The following PCDHGB6 variants were observed in gnomAD, a reference collection of about 807,000 sequenced individuals.
PCDHGB6 encodes protocadherin gamma subfamily B, 6.
In PCDHGB6, 51 loss-of-function variants were observed where a neutral mutation model predicts 59.1. The observed-to-expected ratio is 0.86, with a 90% CI of 0.69 to 1.09. PCDHGB6 has a LOEUF of 1.09. PCDHGB6 is among the 50% of genes least tolerant of loss of function. The probability of loss-of-function intolerance (pLI) is 0.00; values close to 1 mark genes in which losing one functional copy is unlikely to be tolerated. For missense variants in PCDHGB6, 1,148 were observed against 1,205.1 expected, an observed-to-expected ratio of 0.95 and a Z score of 0.70; for synonymous variants, 466 against 495.1, an observed-to-expected ratio of 0.94 and a Z score of 0.78.
chr5:141,427,881 C>T (rs774499492), intron 1 of PCDHGB6: 6 of 1,563,720 alleles, frequency 3.8e-6, no homozygotes, highest in South Asian at 3.3e-5. Context: ...GATGCAGGCC[C>T]ACGACCAGGG....
rs748660721 is a variant in PCDHGB6 at position 141,485,346 on chromosome 5, G to A, written c.2419-9461G>A. The A allele has an allele frequency of 1.2e-6, 2 of 1,614,178 alleles. No individual in the cohort carries two copies. Among genetic ancestry groups the A allele is most frequent in the South Asian group, 2.2e-5 (2 of 91,088 alleles). ...CAAGATTTCCTGCTGGATACGGACA[G>A]TCTGTCAGCTCGCAGGCTGCAGGTC... On this transcript the variant is annotated intron_variant, in intron 1 of 3. Transcript: ENST00000520790. This position sits in a 1 kb window ranked among gnomAD's most constrained non-coding sequence, Gnocchi z 5.7.
At chr5:141,423,562 AC>A in intron 1 of PCDHGB6, 1 of 1,613,612 alleles carries the variant, frequency 6.2e-7, no homozygotes, top group Non-Finnish European at 8.5e-7. Flanking sequence ...CTATGGGGAC[AC>A]GCTCATCAGC....
At chr5:141,415,395 CGGCTCGCACTTT>C (rs2095864519) in intron 1 of PCDHGB6, 2 of 1,614,092 alleles carry the variant, frequency 1.2e-6, no homozygotes. Flanking sequence ...CAGGTGTGTC[CGGCTCGCACTTT>C]GTGGGCGTGG....
intron 1 of PCDHGB6, among the ~76,000 whole-genome samples, chr5:141,480,386 A>G (rs966068994): frequency 6.6e-6 from 1 of 151,826 alleles, no homozygotes; most frequent in Non-Finnish European, 1.5e-5. Context: ...CTACACTTCA[A>G]CCATGGCAAT....
rs2099609528 is a variant in PCDHGB6 at position 141,485,211 on chromosome 5, G to A, written c.2419-9596G>A. 6.2e-7 allele frequency: 1 copy of A among 1,614,126 alleles called. No individual in the cohort carries two copies. The highest frequency in any genetic ancestry group is 8.5e-7 in the Non-Finnish European group (1 of 1,179,980). Reference sequence around the variant, plus strand: ...GTGAGAAGCTGGACAGAAATCTGGCGGTGGGCTACCCTTTTGTTCCTCTTT... The same window carrying A: ...GTGAGAAGCTGGACAGAAATCTGGCAGTGGGCTACCCTTTTGTTCCTCTTT... On this transcript the variant is annotated intron_variant, in intron 1 of 3. Transcript: ENST00000520790. This position sits in a 1 kb window ranked among gnomAD's most constrained non-coding sequence, Gnocchi z 5.7.
intron 1 of PCDHGB6, chr5:141,423,684 T>G (rs201506477): frequency 6.6e-7 from 1 of 1,524,756 alleles, no homozygotes; most frequent in Non-Finnish European, 8.8e-7. Context: ...CTCTGCCTCC[T>G]AATTGTTGGT....
Position 141,432,811 on chromosome 5 carries a change from T to G in PCDHGB6, c.2418+22191T>G. Reference sequence around the variant, plus strand: ...GCAGCCTCGAGTCTCCAGCTAACTCTGAAACCTCAGACCTCACTCTGTACC... The same window carrying G: ...GCAGCCTCGAGTCTCCAGCTAACTCGGAAACCTCAGACCTCACTCTGTACC... On this transcript the variant is annotated intron_variant, in intron 1 of 3. Transcript: ENST00000520790. The surrounding 1 kb of genome is among the most constrained non-coding windows in gnomAD (Gnocchi z 6.0). 1 of 1,614,126 alleles carries G rather than the reference T, an allele frequency of 6.2e-7. No homozygotes were observed. Among genetic ancestry groups the G allele is most frequent in the Non-Finnish European group, 8.5e-7 (1 of 1,179,988 alleles).
At chr5:141,421,700 C>A (rs755518757) in intron 1 of PCDHGB6, 2 of 1,613,900 alleles carry the variant, frequency 1.2e-6, no homozygotes, top group Non-Finnish European at 1.7e-6. Flanking sequence ...CTTCCTAATG[C>A]TAGGGATCCA....
chr5:141,484,266 T>G (rs2099593967), intron 1 of PCDHGB6, among the ~76,000 whole-genome samples: 1 of 152,220 alleles, frequency 6.6e-6, no homozygotes, highest in Non-Finnish European at 1.5e-5. Flanking sequence ...ACACTGATTC[T>G]TTACTGTTTT....
intron 1 of PCDHGB6, chr5:141,423,750 TGGGGGG>T: frequency 3.5e-6 from 1 of 287,482 alleles, no homozygotes; most frequent in Non-Finnish European, 4.5e-6. Flanking sequence ...GAAAACTGTT[TGGGGGG>T]GGGGTGGGGC....
rs1193417991 is a variant in PCDHGB6 at position 141,491,413 on chromosome 5, G to C, written c.2419-3394G>C. 5.0e-6 allele frequency: 8 copies of C among 1,613,946 alleles called. No individual in the cohort carries two copies. Among genetic ancestry groups the C allele is most frequent in the African/African-American group, 1.3e-5 (1 of 74,906 alleles). ...CCTTCAGGGAAACGCAGACGGGGAC[G>C]GGGGTGGAGGGCAGTGCTGCAGGCG... On this transcript the variant is annotated intron_variant, in intron 1 of 3. Transcript: ENST00000520790. The surrounding 1 kb of genome is among the most constrained non-coding windows in gnomAD (Gnocchi z 6.9).
intron 1 of PCDHGB6, among the ~76,000 whole-genome samples, chr5:141,481,194 T>C (rs74538051): frequency 0.017 from 2,576 of 152,298 alleles, 78 homozygotes; most frequent in African/African-American, 0.059. Context: ...CCAGGCCCAA[T>C]TTTTTTAAAA....
At position 141,431,106 on chromosome 5, in the gene PCDHGB6, T is replaced by C. The variant is rs566174531; in HGVS notation, c.2418+20486T>C. 25 of 1,614,108 alleles carry C rather than the reference T, an allele frequency of 1.5e-5. No homozygotes were observed. In the South Asian group the frequency reaches 2.7e-4, roughly 18 times the overall value. On this transcript the variant is annotated intron_variant, in intron 1 of 3. Transcript: ENST00000520790. This position sits in a 1 kb window ranked among gnomAD's most constrained non-coding sequence, Gnocchi z 4.8. ...ATTCTGATGGAGGATAAAGTGAAAA[T>C]ATATGGAGTAGAAGTAGAAGTAAGG...
chr5:141,481,026 C>T (rs1315533254), intron 1 of PCDHGB6, among the ~76,000 whole-genome samples: 1 of 152,100 alleles, frequency 6.6e-6, no homozygotes, highest in African/African-American at 2.4e-5. Flanking sequence ...CCACTGCACT[C>T]CAGCCTGGGC....
intron 1 of PCDHGB6, chr5:141,433,160 A>G: frequency 1.9e-6 from 3 of 1,613,848 alleles, no homozygotes; most frequent in Middle Eastern, 1.7e-4. Context: ...GGTATTTTCT[A>G]AAGACAGTCA....
intron 1 of PCDHGB6, among the ~76,000 whole-genome samples, chr5:141,472,527 G>A (rs905459978): frequency 1.3e-5 from 2 of 151,468 alleles, no homozygotes; most frequent in African/African-American, 4.9e-5. Flanking sequence ...GTGACAGAGT[G>A]AGACACCATC....
intron 1 of PCDHGB6, chr5:141,415,512 T>C (rs997659180): frequency 1.9e-6 from 3 of 1,614,234 alleles, no homozygotes; most frequent in Non-Finnish European, 2.5e-6. Context: ...AGCCCAATTA[T>C]GCGGACACGC....
At position 141,476,752 on chromosome 5, in the gene PCDHGB6, A is replaced by C. The variant is rs771355583; in HGVS notation, c.2419-18055A>C. The C allele has an allele frequency of 6.2e-7, 1 of 1,613,926 alleles. No homozygotes were observed. The highest frequency in any genetic ancestry group is 1.1e-5 in the South Asian group (1 of 91,080). Reference sequence around the variant, plus strand: ...GAGAACGGGAGCCTAGTCTCCAGTTAGTGCTGACGGCGTTGGACGGAGGGA... The same window carrying C: ...GAGAACGGGAGCCTAGTCTCCAGTTCGTGCTGACGGCGTTGGACGGAGGGA... On this transcript the variant is annotated intron_variant, in intron 1 of 3. Transcript: ENST00000520790. The surrounding 1 kb of genome is among the most constrained non-coding windows in gnomAD (Gnocchi z 7.6).
chr5:141,463,572 C>A (rs1462125489), intron 1 of PCDHGB6, among the ~76,000 whole-genome samples: 2 of 151,572 alleles, frequency 1.3e-5, no homozygotes, highest in African/African-American at 4.9e-5. Context: ...CCTCAGCCTC[C>A]CGAGTAGCTG....
Sources: allele counts gnomAD v4.1 joint callset (sites outside exome capture counted in the v4.1 genomes callset), GRCh38; gene constraint gnomAD v4.1.1; non-coding constraint Gnocchi (gnomAD v3.1); transcripts MANE v1.5; gene names NCBI Gene and HGNC (gene_info 2026-07-23, HGNC 2026-07-21).